The following DENND4C variants were observed in gnomAD, a reference collection of about 807,000 sequenced individuals.
DENND4C encodes DENN domain-containing protein 4C.
A neutral mutation model predicts 203.0 loss-of-function variants in DENND4C; 108 were observed. That is an observed-to-expected ratio of 0.53 (90% CI 0.46 to 0.62). The LOEUF (loss-of-function observed/expected upper bound fraction) is 0.62. Among genes scored for constraint, DENND4C ranks in the 20% least tolerant of loss-of-function variants. DENND4C has a pLI of 0.00. For synonymous variants in DENND4C, 871 were observed against 792.4 expected (o/e 1.10, Z -1.67); for missense variants, 2,481 against 2,301.2 (o/e 1.08, Z -1.60).
intron 1 of DENND4C, among the ~76,000 whole-genome samples, chr9:19,231,838 C>G (rs1255761931): frequency 1.3e-5 from 2 of 151,424 alleles, no homozygotes; most frequent in Non-Finnish European, 2.9e-5. Context: ...TGTGTGCAAA[C>G]CCGTGTTGAG....
At chr9:19,306,783 ATTTATTTATTTT>A (rs1406956317) in intron 10 of DENND4C, among the ~76,000 whole-genome samples, 3 of 147,578 alleles carry the variant, frequency 2.0e-5, no homozygotes, top group Non-Finnish European at 4.4e-5. Flanking sequence ...TTATTTATTT[ATTTATTTATTTT>A]GAGACAGAGT....
chr9:19,274,136 A>G (rs1832353622), intron 1 of DENND4C, among the ~76,000 whole-genome samples: 1 of 152,060 alleles, frequency 6.6e-6, no homozygotes, highest in Admixed American at 6.5e-5. Context: ...AATTATGATG[A>G]GTAAAGAAGC....
chr9:19,314,561 T>G (rs758797250), intron 10 of DENND4C, among the ~76,000 whole-genome samples: 10 of 151,992 alleles, frequency 6.6e-5, no homozygotes, highest in Admixed American at 1.3e-4. Context: ...AAAAACCTAT[T>G]GAAATTTAAA....
intron 20 of DENND4C, among the ~76,000 whole-genome samples, chr9:19,340,400 C>G (rs1436470365): frequency 6.6e-6 from 1 of 152,118 alleles, no homozygotes; most frequent in Non-Finnish European, 1.5e-5. Context: ...TTATGTTATT[C>G]ATGTGAAATA....
At chr9:19,339,956 C>T (rs1000962904) in intron 20 of DENND4C, among the ~76,000 whole-genome samples, 1 of 152,116 alleles carries the variant, frequency 6.6e-6, no homozygotes, top group African/African-American at 2.4e-5. Flanking sequence ...AGATTATCCC[C>T]GTGTTGGCCA....
chr9:19,328,011 A>ATT lies in DENND4C; in HGVS notation c.2121-9_2121-8dup. The ATT allele has an allele frequency of 2.8e-5, 34 of 1,214,532 alleles. No homozygotes were observed. Among genetic ancestry groups the ATT allele is most frequent in the African/African-American group, 6.2e-5 (4 of 64,264 alleles). 75.2% of individuals were successfully genotyped at this position (1,214,532 alleles called of 1,614,324 possible). On this transcript the variant is annotated intron_variant, in intron 15 of 32. Coordinates refer to ENST00000434457, the MANE Select transcript of DENND4C (RefSeq NM_001330640.2). ...TGGTGTGTTTTAAATCAGCAGTTCT[A>ATT]TTTTTTTTTTTATTTTAGTTACAAA...
chr9:19,290,082 T>TAA (rs1835982956), intron 4 of DENND4C, among the ~76,000 whole-genome samples: 1 of 152,224 alleles, frequency 6.6e-6, no homozygotes, highest in African/African-American at 2.4e-5. Flanking sequence ...AGATGGTCTA[T>TAA]ATATTGATGA....
At chr9:19,319,692 T>G (rs1352853366) in intron 12 of DENND4C, among the ~76,000 whole-genome samples, 1 of 151,962 alleles carries the variant, frequency 6.6e-6, no homozygotes, top group East Asian at 1.9e-4. Flanking sequence ...TTCTAGGCCC[T>G]AAAGTTTTAT....
At chr9:19,261,347 G>T (rs1262883509) in intron 1 of DENND4C, among the ~76,000 whole-genome samples, 1 of 151,446 alleles carries the variant, frequency 6.6e-6, no homozygotes, top group East Asian at 1.9e-4. Context: ...TGGGTCTTTT[G>T]TGGCTCCATA....
intron 1 of DENND4C, among the ~76,000 whole-genome samples, chr9:19,241,218 T>G (rs1253790997): frequency 2.0e-5 from 3 of 152,186 alleles, no homozygotes; most frequent in African/African-American, 7.2e-5. Context: ...TTTTCTTTGA[T>G]CAATAGTAAA....
chr9:19,365,206 T>C (rs1221106767), intron 30 of DENND4C, among the ~76,000 whole-genome samples: 2 of 152,230 alleles, frequency 1.3e-5, no homozygotes, highest in African/African-American at 4.8e-5. Context: ...TTTTACACCA[T>C]GACAAAGTGG....
At position 19,328,075 on chromosome 9, in the gene DENND4C, G is replaced by C. The variant is rs371810232; in HGVS notation, c.2166G>C (p.Pro722=). 1.2e-6 allele frequency: 2 copies of C among 1,612,542 alleles called. No homozygotes were observed. Among genetic ancestry groups the C allele is most frequent in the Non-Finnish European group, 8.5e-7 (1 of 1,179,454 alleles). ...TGGACCTTAAGCTTTTTGACAGACC[G>C]CAGGAGTTGAAACTTTGTTTTAGTA... ...PRLDLKLFDR[P]QELKLCFSRH... The change falls in exon 16 of 33, where the codon CCG becomes CCC. Residue 722 remains proline, a synonymous_variant. Transcript: ENST00000434457.
intron 6 of DENND4C, 99 bp downstream of exon 6, chr9:19,296,345 A>G: frequency 1.2e-6 from 1 of 840,120 alleles, no homozygotes; most frequent in Non-Finnish European, 1.9e-6. Context: ...GAAGGGAAGG[A>G]AGCCTGCATT....
At chr9:19,305,703 A>G (rs896336613) in intron 10 of DENND4C, among the ~76,000 whole-genome samples, 176 bp downstream of exon 10, 7 of 151,586 alleles carry the variant, frequency 4.6e-5, no homozygotes, top group South Asian at 2.1e-4. Flanking sequence ...GTGATTTGGG[A>G]AAAAAAAATG....
Position 19,346,872 on chromosome 9 carries a change from A to G in DENND4C, c.4103A>G (p.His1368Arg), listed in dbSNP as rs1712488428. The change falls in exon 23 of 33, where the codon CAT becomes CGT. Residue 1368 changes from histidine (H) to arginine (R), a missense_variant. This residue lies in a region of DENND4C where 2,289 missense variants were observed against 2,113.3 expected (regional missense o/e 1.08). Coordinates refer to ENST00000434457, the MANE Select transcript of DENND4C (RefSeq NM_001330640.2). ...AAGCAGCAAACCCCCTCTCGAACTC[A>G]TAAAGAACGTTCAACTTCTTTGTCA... The part of the protein sequence containing the change: ...RFKQQTPSRT[H>R]KERSTSLSAL... 6.2e-7 allele frequency: 1 copy of G among 1,614,242 alleles called. No homozygotes were observed. Among genetic ancestry groups the G allele is most frequent in the Non-Finnish European group, 8.5e-7 (1 of 1,180,032 alleles).
In DENND4C at chr9:19,300,195, A is replaced by G. The variant is rs1458348796; in HGVS notation, c.1175A>G (p.Asn392Ser). ...VSTPLPLSGANFSTLLMNLGP... is the reference protein window; with the variant it reads ...VSTPLPLSGASFSTLLMNLGP... ...CTCTTTTTTTTCCCTAGTGGAGCCA[A>G]CTTTAGCACCTTGCTAATGAATCTG... The change falls in exon 9 of 33, where the codon AAC (asparagine) becomes AGC (serine). Residue 392 changes from asparagine to serine, a missense_variant. Physicochemically the swap from Asn to Ser is conservative, Grantham distance 46. Transcript: ENST00000434457. 1.2e-6 allele frequency: 2 copies of G among 1,604,080 alleles called. No individual in the cohort carries two copies. Among genetic ancestry groups the G allele is most frequent in the Non-Finnish European group, 8.5e-7 (1 of 1,173,250 alleles).
intron 10 of DENND4C, among the ~76,000 whole-genome samples, chr9:19,308,532 T>C (rs1268050255): frequency 6.6e-6 from 1 of 152,206 alleles, no homozygotes; most frequent in Non-Finnish European, 1.5e-5. Flanking sequence ...TTCTTTTGAT[T>C]TGTAGAAATT....
At position 19,360,459 on chromosome 9, in the gene DENND4C, C is replaced by T; in HGVS notation, c.5376C>T (p.Leu1792=). The T allele has an allele frequency of 8.1e-6, 13 of 1,614,112 alleles. No homozygotes were observed. Among genetic ancestry groups the T allele is most frequent in the Non-Finnish European group, 1.1e-5 (13 of 1,179,992 alleles). Reference sequence around the variant, plus strand: ...CTAGTAACTTGCCAGGACTTATCCTCACATCTGAACATTGTAATGAAGGTG... The same window carrying T: ...CTAGTAACTTGCCAGGACTTATCCTTACATCTGAACATTGTAATGAAGGTG... ...DLPSNLPGLI[L]TSEHCNEGVQ... The change falls in exon 29 of 33, where the codon CTC becomes CTT. Residue 1792 remains leucine (L), a synonymous_variant. Coordinates refer to ENST00000434457, the MANE Select transcript of DENND4C (RefSeq NM_001330640.2).
At chr9:19,244,611 G>C (rs58340034) in intron 1 of DENND4C, among the ~76,000 whole-genome samples, 9,136 of 151,792 alleles carry the variant, frequency 0.06, 544 homozygotes, top group African/African-American at 0.15. Flanking sequence ...GTGGTTGCAC[G>C]TGACTGTAGT....
Sources: allele counts gnomAD v4.1 joint callset (sites outside exome capture counted in the v4.1 genomes callset), GRCh38; gene constraint gnomAD v4.1.1; regional missense constraint gnomAD v4.1.1; transcripts MANE v1.5; gene names NCBI Gene and HGNC (gene_info 2026-07-23, HGNC 2026-07-21).